Variants in TSPAN7 observed in about 807,000 individuals in gnomAD.
TSPAN7 encodes the protein tetraspanin 7.
A neutral mutation model predicts 17.6 loss-of-function variants in TSPAN7; 1 was observed. That is an observed-to-expected ratio of 0.06 (90% CI 0.02 to 0.27). The LOEUF (loss-of-function observed/expected upper bound fraction) is 0.27, where lower values mean the gene tolerates loss of function less well. TSPAN7 is among the 10% of genes least tolerant of loss of function. The pLI is 1.00. For synonymous variants in TSPAN7, 78 were observed against 79.0 expected, an observed-to-expected ratio of 0.99 and a Z score of 0.07; for missense variants, 112 against 201.7, an observed-to-expected ratio of 0.56 and a Z score of 2.69.
At chrX:38,651,677 T>C (rs751305176) in intron 1 of TSPAN7, among the ~76,000 whole-genome samples, 1 of 111,746 alleles carries the variant, frequency 8.9e-6, no homozygotes, top group Non-Finnish European at 1.9e-5. Flanking sequence ...AGGAGCAAGC[T>C]TGATGGTTGT....
chrX:38,589,587 A>G (rs2069279134), intron 1 of TSPAN7, among the ~76,000 whole-genome samples: 1 of 112,002 alleles, frequency 8.9e-6, no homozygotes, highest in East Asian at 2.8e-4. Context: ...ATCACAACAC[A>G]CTCTTGCCAT....
intron 1 of TSPAN7, among the ~76,000 whole-genome samples, chrX:38,641,954 C>T (rs2069614584): frequency 8.9e-6 from 1 of 112,321 alleles, no homozygotes; most frequent in African/African-American, 3.2e-5. Context: ...ACTGCCTCTT[C>T]ATTTTCATTA....
At chrX:38,614,123 C>T (rs1004362442) in intron 1 of TSPAN7, among the ~76,000 whole-genome samples, 6 of 110,787 alleles carry the variant, frequency 5.4e-5, no homozygotes, top group East Asian at 2.8e-4. Context: ...AATTCCTTTA[C>T]GTGTTTTTTA....
At chrX:38,561,708 GA>G in intron 1 of TSPAN7, 81 bp downstream of exon 1, 1 of 914,418 alleles carries the variant, frequency 1.1e-6, no homozygotes, top group East Asian at 3.6e-5. Flanking sequence ...AAGTGGGGAG[GA>G]AAACCCAAAC....
chrX:38,630,486 T>C (rs1463941094), intron 1 of TSPAN7, among the ~76,000 whole-genome samples: 1 of 111,821 alleles, frequency 8.9e-6, no homozygotes, highest in African/African-American at 3.3e-5. Context: ...GTGGGGACTA[T>C]GTCACATTGG....
chrX:38,661,878 A>G (rs936546285), intron 1 of TSPAN7, among the ~76,000 whole-genome samples: 1 of 110,595 alleles, frequency 9.0e-6, no homozygotes, highest in Non-Finnish European at 1.9e-5. Context: ...GTCATGTTTG[A>G]GACATGACTT....
chrX:38,604,923 G>C (rs1384274937), intron 1 of TSPAN7, among the ~76,000 whole-genome samples: 1 of 111,040 alleles, frequency 9.0e-6, no homozygotes, highest in African/African-American at 3.3e-5. Flanking sequence ...AATAATAAGA[G>C]CTATCTATGA....
chrX:38,670,103 G>T, intron 2 of TSPAN7, among the ~76,000 whole-genome samples: 1 of 111,113 alleles, frequency 9.0e-6, no homozygotes. Flanking sequence ...TTCGATATAT[G>T]TGCCACTAGA....
chrX:38,571,955 G>A (rs979726433), intron 1 of TSPAN7, among the ~76,000 whole-genome samples: 2 of 111,460 alleles, frequency 1.8e-5, no homozygotes, highest in Non-Finnish European at 3.8e-5. Context: ...TTTGGCAAGG[G>A]TCTTCAAGTG....
chrX:38,668,371 G>A (rs1052991033), intron 2 of TSPAN7, among the ~76,000 whole-genome samples: 4 of 112,155 alleles, frequency 3.6e-5, no homozygotes, highest in Non-Finnish European at 7.5e-5. Context: ...GGAATAGTTA[G>A]TTCTGGCCTC....
intron 1 of TSPAN7, among the ~76,000 whole-genome samples, chrX:38,563,802 G>C (rs1024826112): frequency 3.6e-5 from 4 of 111,503 alleles, no homozygotes; most frequent in Admixed American, 9.5e-5. Context: ...ACCAAAGCCA[G>C]TTCTGGCTTT....
chrX:38,612,358 A>G (rs2069424053), intron 1 of TSPAN7: 1 of 111,817 alleles, frequency 8.9e-6, no homozygotes, highest in African/African-American at 3.3e-5. Context: ...GCAGTGGAGA[A>G]GAACAGGAAT....
chrX:38,619,532 C>T (rs997052718), intron 1 of TSPAN7, among the ~76,000 whole-genome samples: 1 of 111,480 alleles, frequency 9.0e-6, no homozygotes, highest in African/African-American at 3.3e-5. Context: ...ATCACAGAAG[C>T]CTTAAGGGGA....
chrX:38,641,765 G>A (rs961397633), intron 1 of TSPAN7, among the ~76,000 whole-genome samples: 4 of 111,605 alleles, frequency 3.6e-5, no homozygotes, highest in African/African-American at 9.8e-5. Context: ...AGGCTCGGAG[G>A]TCTTAGCCAA....
At chrX:38,665,484 C>G (rs1379610784) in intron 1 of TSPAN7, among the ~76,000 whole-genome samples, 2 of 111,966 alleles carry the variant, frequency 1.8e-5, no homozygotes, top group Admixed American at 1.9e-4. Flanking sequence ...TTTAGACATG[C>G]TATAGGGATT....
intron 1 of TSPAN7, among the ~76,000 whole-genome samples, chrX:38,583,764 G>A (rs1318614393): frequency 3.6e-5 from 4 of 110,265 alleles, no homozygotes; most frequent in Non-Finnish European, 3.8e-5. Flanking sequence ...GCTATTTGCT[G>A]ACCATTGTTA....
intron 1 of TSPAN7, among the ~76,000 whole-genome samples, chrX:38,629,021 T>C (rs2069536633): frequency 8.9e-6 from 1 of 112,479 alleles, no homozygotes; most frequent in South Asian, 3.7e-4. Context: ...TCTATGGCAG[T>C]TTTGTTCAAT....
chrX:38,683,389 T>C (rs2069904606), intron 6 of TSPAN7, among the ~76,000 whole-genome samples: 1 of 113,051 alleles, frequency 8.8e-6, no homozygotes, highest in African/African-American at 3.2e-5. Context: ...TTGTGAATTG[T>C]TGAATATGCA....
chrX:38,613,099 T>C (rs2069430954), intron 1 of TSPAN7, among the ~76,000 whole-genome samples: 1 of 112,375 alleles, frequency 8.9e-6, no homozygotes, highest in Non-Finnish European at 1.9e-5. Flanking sequence ...ATAACAGTTA[T>C]CTGATTTTCT....
Sources: gnomAD v4.1 joint callset for allele counts (sites outside exome capture counted in the v4.1 genomes callset) on GRCh38, gnomAD v4.1.1 for gene constraint, MANE v1.5 for transcripts, NCBI Gene and HGNC (gene_info 2026-07-23, HGNC 2026-07-21) for gene names.